Variants in BBX observed in about 807,000 individuals in gnomAD.
BBX encodes BBX high mobility group box domain containing.
Under a neutral mutation model 100.2 loss-of-function variants are expected in BBX, and 30 were observed. The ratio of observed to expected loss-of-function variants is 0.30; its 90% CI spans 0.22 to 0.41. The LOEUF is 0.41. BBX is among the 10% of genes least tolerant of loss of function. The pLI is 1.00. For synonymous variants in BBX, 376 were observed against 388.1 expected (o/e 0.97, Z 0.37); for missense variants, 1,023 against 1,129.8 (o/e 0.91, Z 1.35).
intron 7 of BBX, among the ~76,000 whole-genome samples, chr3:107,736,922 A>C (rs1313658273): frequency 2.6e-5 from 4 of 152,120 alleles, no homozygotes; most frequent in African/African-American, 9.6e-5. Context: ...ATATCTGTGT[A>C]GTTGTATGAC....
At chr3:107,777,558 G>A (rs2067427312) in intron 12 of BBX, among the ~76,000 whole-genome samples, 1 of 152,094 alleles carries the variant, frequency 6.6e-6, no homozygotes, top group Non-Finnish European at 1.5e-5. Flanking sequence ...AGTTTAATAA[G>A]TCTCACCTAA....
intron 16 of BBX, 106 bp downstream of exon 16, chr3:107,798,826 C>T: frequency 9.5e-7 from 1 of 1,058,128 alleles, no homozygotes; most frequent in Non-Finnish European, 1.4e-6. Context: ...CTAACAATAG[C>T]CAATGAGCTA....
intron 3 of BBX, among the ~76,000 whole-genome samples, chr3:107,681,366 T>C (rs1387714239): frequency 1.3e-5 from 2 of 152,040 alleles, no homozygotes; most frequent in African/African-American, 2.4e-5. Context: ...AAATTCAAAT[T>C]TATATAGTGC....
In BBX at chr3:107,542,132, T is replaced by G. The variant is rs565774378; in HGVS notation, c.-84+15734T>G. Reference sequence around the variant, plus strand: ...TCAGGATCAATTATTCAATTAATATTTTATATAATAGAAAGGTTTTATTTG... The same window carrying G: ...TCAGGATCAATTATTCAATTAATATGTTATATAATAGAAAGGTTTTATTTG... On this transcript the variant is annotated intron_variant, in intron 2 of 17. Coordinates refer to ENST00000325805, the MANE Select transcript of BBX (RefSeq NM_001142568.3). 2.0e-5 allele frequency among the ~76,000 whole-genome samples: 3 copies of G among 152,336 alleles called. No homozygotes were observed. In the South Asian group the frequency reaches 6.2e-4, roughly 32 times the overall value.
chr3:107,555,610 T>C (rs1431752523), intron 2 of BBX, among the ~76,000 whole-genome samples: 1 of 152,214 alleles, frequency 6.6e-6, no homozygotes, highest in Non-Finnish European at 1.5e-5. Context: ...TACAATTATG[T>C]ATCCCTCGGT....
intron 3 of BBX, among the ~76,000 whole-genome samples, chr3:107,650,839 C>T (rs2057797732): frequency 6.6e-6 from 1 of 152,108 alleles, no homozygotes; most frequent in African/African-American, 2.4e-5. Flanking sequence ...AAACAACAGA[C>T]ATTTATTTTA....
chr3:107,746,508 T>A (rs2064611238), intron 8 of BBX, among the ~76,000 whole-genome samples: 1 of 152,220 alleles, frequency 6.6e-6, no homozygotes, highest in Non-Finnish European at 1.5e-5. Flanking sequence ...TTGTTCTTCT[T>A]ACTGATATTT....
At chr3:107,523,989 G>T (rs1437292339) in intron 1 of BBX, 1 of 152,188 alleles carries the variant, frequency 6.6e-6, no homozygotes, top group Non-Finnish European at 1.5e-5. Context: ...GAGGGAAGGG[G>T]GGGGAGAGAG....
At chr3:107,573,159 A>G (rs1406542581) in intron 2 of BBX, among the ~76,000 whole-genome samples, 1 of 152,248 alleles carries the variant, frequency 6.6e-6, no homozygotes, top group Non-Finnish European at 1.5e-5. Flanking sequence ...AAAGAATCAA[A>G]CAAGCTATGT....
At chr3:107,704,591 A>T (rs2061280934) in intron 3 of BBX, among the ~76,000 whole-genome samples, 1 of 152,194 alleles carries the variant, frequency 6.6e-6, no homozygotes, top group Non-Finnish European at 1.5e-5. Context: ...GCAAGAGAGG[A>T]TGAGAGTAAG....
intron 7 of BBX, among the ~76,000 whole-genome samples, chr3:107,740,933 C>T (rs2064045226): frequency 6.7e-6 from 1 of 149,254 alleles, no homozygotes. Flanking sequence ...GGCTTAGGCA[C>T]ATTTCCTTTG....
intron 3 of BBX, among the ~76,000 whole-genome samples, chr3:107,647,691 ACATAT>A (rs2057602356): frequency 6.6e-6 from 1 of 152,220 alleles, no homozygotes; most frequent in African/African-American, 2.4e-5. Context: ...AATCTGGGAA[ACATAT>A]CAGTCAACTT....
intron 2 of BBX, among the ~76,000 whole-genome samples, chr3:107,542,683 G>A (rs1000355395): frequency 2.0e-5 from 3 of 152,118 alleles, no homozygotes; most frequent in African/African-American, 7.2e-5. Flanking sequence ...CTTTGAATGA[G>A]GTACTGAGTT....
intron 13 of BBX, among the ~76,000 whole-genome samples, chr3:107,783,896 T>G (rs2068151989): frequency 6.6e-6 from 1 of 152,056 alleles, no homozygotes; most frequent in African/African-American, 2.4e-5. Flanking sequence ...CTAGTCAATT[T>G]AGAAGCATTT....
At chr3:107,618,330 C>A (rs2055457812) in intron 2 of BBX, among the ~76,000 whole-genome samples, 1 of 151,934 alleles carries the variant, frequency 6.6e-6, no homozygotes, top group Non-Finnish European at 1.5e-5. Context: ...TGTGTGTCTT[C>A]TTTTTTGGCA....
intron 2 of BBX, among the ~76,000 whole-genome samples, chr3:107,557,816 G>C (rs2050191747): frequency 6.6e-6 from 1 of 152,226 alleles, no homozygotes; most frequent in Non-Finnish European, 1.5e-5. Context: ...TCAGTTGTTA[G>C]TGTTAGGTAA....
chr3:107,600,620 G>T (rs1210661063), intron 2 of BBX, among the ~76,000 whole-genome samples: 1 of 152,094 alleles, frequency 6.6e-6, no homozygotes, highest in Non-Finnish European at 1.5e-5. Context: ...GAATACACTG[G>T]CTGTTATAAC....
chr3:107,707,175 T>C (rs2061441616), intron 3 of BBX, among the ~76,000 whole-genome samples: 1 of 152,214 alleles, frequency 6.6e-6, no homozygotes, highest in African/African-American at 2.4e-5. Flanking sequence ...AAAATGTACC[T>C]ACTTTGTTCC....
chr3:107,682,383 G>A (rs920208890), intron 3 of BBX, among the ~76,000 whole-genome samples: 10 of 152,088 alleles, frequency 6.6e-5, no homozygotes, highest in Non-Finnish European at 5.9e-5. Context: ...CTTCTATTAA[G>A]TGTGGAAGAC....
Sources: gnomAD v4.1 joint callset for allele counts (sites outside exome capture counted in the v4.1 genomes callset) on GRCh38, gnomAD v4.1.1 for gene constraint, MANE v1.5 for transcripts, NCBI Gene and HGNC (gene_info 2026-07-23, HGNC 2026-07-21) for gene names.